Variants in PCDHGA7 observed in about 807,000 individuals in gnomAD.
PCDHGA7 encodes the protein protocadherin gamma-A7.
PCDHGA7 carries 44 observed loss-of-function variants against 58.3 expected under a neutral mutation model. The observed-to-expected ratio is 0.75, with a 90% CI of 0.59 to 0.97. PCDHGA7 has a LOEUF of 0.97. PCDHGA7 is among the 50% of genes least tolerant of loss of function. The pLI, the probability that PCDHGA7 is intolerant of heterozygous loss-of-function variation, is 0.00. For synonymous variants in PCDHGA7, 516 were observed against 504.2 expected (o/e 1.02, Z -0.31); for missense variants, 1,266 against 1,188.7 (o/e 1.06, Z -0.96).
At chr5:141,418,341 A>G (rs1407312724) in intron 1 of PCDHGA7, 1 of 1,614,006 alleles carries the variant, frequency 6.2e-7, no homozygotes, top group South Asian at 1.1e-5. Context: ...GAAGATCCTG[A>G]TATTAGTATG....
At chr5:141,472,994 A>AAAG (rs2099310386) in intron 1 of PCDHGA7, among the ~76,000 whole-genome samples, 1 of 151,692 alleles carries the variant, frequency 6.6e-6, no homozygotes, top group Non-Finnish European at 1.5e-5. Flanking sequence ...AAAAAAAAAA[A>AAAG]AAAGAAAGAA....
At chr5:141,459,108 A>G (rs1240280274) in intron 1 of PCDHGA7, among the ~76,000 whole-genome samples, 1 of 152,216 alleles carries the variant, frequency 6.6e-6, no homozygotes, top group Non-Finnish European at 1.5e-5. Flanking sequence ...ATGCATTTTG[A>G]CAATTGTTTA....
In PCDHGA7 at chr5:141,491,409, G is replaced by T; in HGVS notation, c.2425-3398G>T. The T allele has an allele frequency of 6.8e-6, 11 of 1,614,118 alleles. No individual in the cohort carries two copies. Among genetic ancestry groups the T allele is most frequent in the Non-Finnish European group, 9.3e-6 (11 of 1,180,014 alleles). On this transcript the variant is annotated intron_variant, in intron 1 of 3. Coordinates refer to ENST00000518325, the MANE Select transcript of PCDHGA7 (RefSeq NM_018920.4). The surrounding 1 kb of genome is among the most constrained non-coding windows in gnomAD (Gnocchi z 6.9). ...AGTGCCTTCAGGGAAACGCAGACGG[G>T]GACGGGGGTGGAGGGCAGTGCTGCA...
chr5:141,464,524 T>C (rs2099086175), intron 1 of PCDHGA7, among the ~76,000 whole-genome samples: 1 of 152,094 alleles, frequency 6.6e-6, no homozygotes, highest in Non-Finnish European at 1.5e-5. Context: ...AAGGCATATG[T>C]AGTTTTGTTA....
At chr5:141,391,452 C>T (rs1004301347) in intron 1 of PCDHGA7, 13 of 152,114 alleles carry the variant, frequency 8.5e-5, no homozygotes, top group African/African-American at 3.1e-4. Context: ...AGCTGGAACT[C>T]AGGCTCATGC....
In PCDHGA7 at chr5:141,448,771, T is replaced by C. The variant is rs564309379; in HGVS notation, c.2425-46036T>C. Among the ~76,000 whole-genome samples the C allele has an allele frequency of 6.6e-4, 100 of 151,738 alleles. 1 individual carries two copies. The highest frequency in any genetic ancestry group is 6.8e-3 in the Middle Eastern group (2 of 294). On this transcript the variant is annotated intron_variant, in intron 1 of 3. Coordinates refer to ENST00000518325, the MANE Select transcript of PCDHGA7 (RefSeq NM_018920.4). ...CTGGCTAACACGGTGAAACCCCGTCTGTACTAAAAATACAAAAAAAAAAAT... is the reference window on the plus strand; with the variant it reads ...CTGGCTAACACGGTGAAACCCCGTCCGTACTAAAAATACAAAAAAAAAAAT...
intron 1 of PCDHGA7, chr5:141,419,960 G>A (rs773071584): frequency 5.0e-6 from 8 of 1,613,960 alleles, no homozygotes; most frequent in South Asian, 4.4e-5. Context: ...CTTGATTTCT[G>A]TGCTCTTTCT....
chr5:141,398,011 T>A lies in PCDHGA7; in HGVS notation c.2424+12688T>A, dbSNP rs531266866. On this transcript the variant is annotated intron_variant, in intron 1 of 3. Coordinates refer to ENST00000518325, the MANE Select transcript of PCDHGA7 (RefSeq NM_018920.4). ...CGCTTCCTCCTCGGAAAAAGAATCG[T>A]TTCCTAAACTGGAACTGGAACTAAA... The A allele has an allele frequency of 2.7e-5, 38 of 1,413,006 alleles. No homozygotes were observed. In the African/African-American group the frequency reaches 4.3e-4, roughly 16 times the overall value. 87.5% of individuals were successfully genotyped at this position (1,413,006 alleles called of 1,614,324 possible). A position where few individuals can be genotyped will look rare whatever the true frequency, so the allele number is the denominator to read the frequency against.
Position 141,431,634 on chromosome 5 carries a change from T to C in PCDHGA7, c.2424+46311T>C. 2.5e-6 allele frequency: 4 copies of C among 1,614,238 alleles called. No homozygotes were observed. Among genetic ancestry groups the C allele is most frequent in the Non-Finnish European group, 3.4e-6 (4 of 1,180,044 alleles). ...GTGGACGACAAGGCGGCCCAAGTTTTCAAACTAGATTGTAATTCAGGGACA... is the reference window on the plus strand; with the variant it reads ...GTGGACGACAAGGCGGCCCAAGTTTCCAAACTAGATTGTAATTCAGGGACA... On this transcript the variant is annotated intron_variant, in intron 1 of 3. Coordinates refer to ENST00000518325, the MANE Select transcript of PCDHGA7 (RefSeq NM_018920.4). The surrounding 1 kb of genome is among the most constrained non-coding windows in gnomAD (Gnocchi z 4.8).
intron 1 of PCDHGA7, among the ~76,000 whole-genome samples, chr5:141,443,696 T>C (rs1293017505): frequency 6.6e-6 from 1 of 152,308 alleles, no homozygotes; most frequent in Admixed American, 6.5e-5. Context: ...TCAAAAATTA[T>C]AGAATAACAT....
intron 1 of PCDHGA7, chr5:141,408,300 T>TC: frequency 6.2e-7 from 1 of 1,613,732 alleles, no homozygotes; most frequent in South Asian, 1.1e-5. Context: ...AGTGAGCCGA[T>TC]CCGCTACTCG....
chr5:141,410,689 C>T, intron 1 of PCDHGA7: 2 of 1,514,926 alleles, frequency 1.3e-6, no homozygotes, highest in Non-Finnish European at 1.8e-6. Flanking sequence ...AGGCATACTA[C>T]TTTATTTTCA....
intron 1 of PCDHGA7, chr5:141,442,112 C>CTCG (rs2098300474): frequency 6.0e-6 from 1 of 166,158 alleles, no homozygotes; most frequent in Admixed American, 6.5e-5. Context: ...ACTACCGCCC[C>CTCG]TCGTCGCCGA....
intron 1 of PCDHGA7, chr5:141,393,188 T>C: frequency 6.2e-7 from 1 of 1,613,358 alleles, no homozygotes; most frequent in South Asian, 1.1e-5. Context: ...AAATAATTGA[T>C]ATTAACGATA....
In PCDHGA7 at chr5:141,399,103, C is replaced by G. The variant is rs376000100; in HGVS notation, c.2424+13780C>G. The G allele has an allele frequency of 1.6e-5, 26 of 1,613,722 alleles. No homozygotes were observed. The South Asian group carries it at 2.9e-4, about 18-fold the overall frequency. On this transcript the variant is annotated intron_variant, in intron 1 of 3. Transcript: ENST00000518325. ...GAGGGATGGTGGTGGACTGGTTGCA[C>G]AATGTACAGTTGAAATTAATATTCA... is the stretch of plus-strand genomic sequence containing the variant.
chr5:141,451,521 T>A (rs1164313767), intron 1 of PCDHGA7, among the ~76,000 whole-genome samples: 2 of 152,148 alleles, frequency 1.3e-5, no homozygotes, highest in African/African-American at 4.8e-5. Flanking sequence ...TTAGAGCAAG[T>A]AAAGGAGAGT....
In PCDHGA7 at chr5:141,511,070, G is replaced by A. The variant is rs1341623011; in HGVS notation, c.2696G>A (p.Gly899Asp). ...PDYRQNVYIP[G>D]SNATLTNAAG... ...TACCGCCAGAATGTCTACATCCCAG[G>A]CAGCAATGCCACACTGACCAACGCA... The change falls in exon 4 of 4, where the codon GGC (glycine) becomes GAC (aspartate). Residue 899 changes from glycine to aspartate, a missense_variant. Physicochemically the swap from Gly to Asp is moderately conservative, Grantham distance 94 (BLOSUM62 -1). Transcript: ENST00000518325. 2.5e-6 allele frequency: 4 copies of A among 1,614,218 alleles called. No homozygotes were observed. Among genetic ancestry groups the A allele is most frequent in the Admixed American group, 1.7e-5 (1 of 60,030 alleles).
chr5:141,431,474 G>A lies in PCDHGA7; in HGVS notation c.2424+46151G>A, dbSNP rs747313827. 2 of 1,613,842 alleles carry A rather than the reference G, an allele frequency of 1.2e-6. No homozygotes were observed. Among genetic ancestry groups the A allele is most frequent in the East Asian group, 4.5e-5 (2 of 44,886 alleles). ...GATGGTTCTGGATGCGAACGACAACGCACCAGCGTTTGCTCAGCCCGAGTA... is the reference window on the plus strand; with the variant it reads ...GATGGTTCTGGATGCGAACGACAACACACCAGCGTTTGCTCAGCCCGAGTA... On this transcript the variant is annotated intron_variant, in intron 1 of 3. Coordinates refer to ENST00000518325, the MANE Select transcript of PCDHGA7 (RefSeq NM_018920.4). This position sits in a 1 kb window ranked among gnomAD's most constrained non-coding sequence, Gnocchi z 4.8.
chr5:141,401,564 C>A (rs2094168610), intron 1 of PCDHGA7, among the ~76,000 whole-genome samples: 1 of 152,204 alleles, frequency 6.6e-6, no homozygotes, highest in African/African-American at 2.4e-5. Flanking sequence ...GCCTGAATTT[C>A]TCTTGCTCGG....
Sources: gnomAD v4.1 joint callset for allele counts (sites outside exome capture counted in the v4.1 genomes callset) on GRCh38, gnomAD v4.1.1 for gene constraint, Gnocchi (gnomAD v3.1) non-coding constraint, MANE v1.5 for transcripts, NCBI Gene and HGNC (gene_info 2026-07-23, HGNC 2026-07-21) for gene names.